ZNF326: variants seen among roughly 807,000 people sequenced by gnomAD.
ZNF326 encodes the protein DBIRD complex subunit ZNF326.
In ZNF326, 30 loss-of-function variants were observed where a neutral mutation model predicts 63.1. That is an observed-to-expected ratio of 0.48 (90% confidence interval 0.36 to 0.64). The LOEUF (loss-of-function observed/expected upper bound fraction) is 0.64. Ranked by LOEUF, ZNF326 falls within the 30% of genes least tolerant of loss-of-function variation. The probability of loss-of-function intolerance (pLI) is 0.00; values close to 1 mark genes in which losing one functional copy is unlikely to be tolerated. For missense variants in ZNF326, 609 were observed against 720.3 expected (o/e 0.85, Z 1.77); for synonymous variants, 194 against 228.2 (o/e 0.85, Z 1.35).
intron 2 of ZNF326, among the ~76,000 whole-genome samples, chr1:89,999,083 A>G (rs976080946): frequency 1.3e-5 from 2 of 152,226 alleles, no homozygotes; most frequent in Admixed American, 1.3e-4. Context: ...AAATTACCAA[A>G]GGAAGTTTAA....
chr1:90,027,513 G>GT lies in ZNF326; in HGVS notation c.1562dup (p.Glu522ArgfsTer52). The GT allele has an allele frequency of 1.2e-6, 2 of 1,612,410 alleles. No individual in the cohort carries two copies. Among genetic ancestry groups the GT allele is most frequent in the Non-Finnish European group, 1.7e-6 (2 of 1,179,168 alleles). Reference sequence around the variant, plus strand: ...GGGGGAAGTAGAGGAAGTGGAAGAAGTAGAGGAAGTGAGAGAAGGAGGAAT... The same window carrying GT: ...GGGGGAAGTAGAGGAAGTGGAAGAAGTTAGAGGAAGTGAGAGAAGGAGGAAT... On this transcript the variant is annotated frameshift_variant, in exon 12 of 12. Coordinates refer to ENST00000340281, the MANE Select transcript of ZNF326 (RefSeq NM_182976.4). LOFTEE classifies it low-confidence loss of function (END_TRUNC).
chr1:90,011,190 T>G (rs575853689), intron 6 of ZNF326, among the ~76,000 whole-genome samples: 3 of 152,296 alleles, frequency 2.0e-5, no homozygotes, highest in Admixed American at 1.3e-4. Flanking sequence ...AGAAAAGTGT[T>G]GTGTAGCTAA....
chr1:90,005,359 A>G (rs1027236819), intron 4 of ZNF326, 115 bp downstream of exon 4: 4 of 1,449,106 alleles, frequency 2.8e-6, no homozygotes, highest in Middle Eastern at 2.0e-4. Flanking sequence ...TTGCTATTGA[A>G]TCATCACCTT....
At chr1:90,012,694 A>G (rs1311982448) in intron 6 of ZNF326, among the ~76,000 whole-genome samples, 1 of 152,182 alleles carries the variant, frequency 6.6e-6, no homozygotes, top group Non-Finnish European at 1.5e-5. Flanking sequence ...AGCTCCTACA[A>G]TATGAACATG....
intron 1 of ZNF326, among the ~76,000 whole-genome samples, chr1:89,996,343 G>T (rs377704057): frequency 6.6e-6 from 1 of 152,142 alleles, no homozygotes; most frequent in South Asian, 2.1e-4. Flanking sequence ...AATGAGGTGT[G>T]ATCTCAGCAT....
At chr1:90,006,545 T>C in intron 4 of ZNF326, 2 of 869,092 alleles carry the variant, frequency 2.3e-6, no homozygotes, top group Non-Finnish European at 2.8e-6. Context: ...TGCTCCCTTT[T>C]TTAGGGTAGT....
Position 90,013,145 on chromosome 1 carries a change from T to A in ZNF326, c.834T>A (p.Asn278Lys). Residue 278 changes from asparagine (N) to lysine (K), a missense_variant, in exon 7 of 12, where the codon AAT (asparagine) becomes AAA (lysine). By Grantham distance (94) the Asn-to-Lys change is moderately conservative. Around this residue, in one of 3 missense-constraint regions of ZNF326, gnomAD observed 399 missense variants for 444.3 expected, o/e 0.90. Transcript: ENST00000340281. ...SKSPTKTDPK[N>K]EEEEKRRIEA... Reference sequence around the variant, plus strand: ...TCCTAGCAAAAACTGATCCTAAAAATGAAGAGGAAGAAAAGCGGCGAATTG... The same window carrying A: ...TCCTAGCAAAAACTGATCCTAAAAAAGAAGAGGAAGAAAAGCGGCGAATTG... The A allele has an allele frequency of 6.2e-7, 1 of 1,610,514 alleles. No individual in the cohort carries two copies. Among genetic ancestry groups the A allele is most frequent in the South Asian group, 1.1e-5 (1 of 90,288 alleles).
rs936802021 is a variant in ZNF326 at position 90,028,087 on chromosome 1, A to G, written c.*386A>G. On this transcript the variant is annotated 3_prime_UTR_variant, in exon 12 of 12. Coordinates refer to ENST00000340281, the MANE Select transcript of ZNF326 (RefSeq NM_182976.4). The stretch of plus-strand genomic sequence containing the variant: ...ATTTTTTGAATACTTACCCTGGAAG[A>G]TATAAACTGGGCAAGTATTTTGTGC... 2 of 188,878 alleles carry G rather than the reference A, an allele frequency of 1.1e-5. No individual in the cohort carries two copies. The highest frequency in any genetic ancestry group is 2.2e-5 in the Non-Finnish European group (2 of 90,972). The allele number at this position is 188,878 out of a possible 1,614,324, so 11.7% of individuals were successfully genotyped here. A position where few individuals can be genotyped will look rare whatever the true frequency, so the allele number is the denominator to read the frequency against.
chr1:89,995,134 C>G lies in ZNF326; in HGVS notation c.-124C>G, dbSNP rs1055490364. 1.4e-5 allele frequency: 18 copies of G among 1,246,436 alleles called. No homozygotes were observed. Among genetic ancestry groups the G allele is most frequent in the Admixed American group, 1.4e-4 (6 of 43,436 alleles). The allele number at this position is 1,246,436 out of a possible 1,614,324, so 77.2% of individuals were successfully genotyped here. A position where few individuals can be genotyped will look rare whatever the true frequency, so the allele number is the denominator to read the frequency against. ...CAGCCTCGCTGTGGCCTGCGGCTCC[C>G]GGGCTGGTAGCGCGCCGCTCTCGGT... is the stretch of plus-strand genomic sequence containing the variant. On this transcript the variant is annotated 5_prime_UTR_variant, in exon 1 of 12. Transcript: ENST00000340281.
chr1:90,008,096 C>T (rs1273798617), intron 5 of ZNF326, among the ~76,000 whole-genome samples: 1 of 152,078 alleles, frequency 6.6e-6, no homozygotes. Flanking sequence ...GGTCACTGAA[C>T]CCTTTTTGAG....
intron 4 of ZNF326, 50 bp downstream of exon 4, chr1:90,005,294 G>A (rs778546707): frequency 1.3e-6 from 2 of 1,580,206 alleles, no homozygotes; most frequent in Non-Finnish European, 1.7e-6. Flanking sequence ...ATAAGATTTT[G>A]GATATATTAT....
chr1:90,003,607 T>G (rs185592275), intron 2 of ZNF326, among the ~76,000 whole-genome samples: 16 of 152,320 alleles, frequency 1.1e-4, no homozygotes, highest in African/African-American at 3.8e-4. Context: ...AAAAGTTTTC[T>G]TGAATGCATT....
chr1:90,024,805 C>T (rs190286727), intron 11 of ZNF326, among the ~76,000 whole-genome samples: 2 of 152,122 alleles, frequency 1.3e-5, no homozygotes, highest in East Asian at 3.9e-4. Flanking sequence ...TATTTCTTCT[C>T]CTGCATTAGG....
Position 90,017,438 on chromosome 1 carries a change from G to A in ZNF326, c.1048G>A (p.Asp350Asn). 3 of 1,591,190 alleles carry A rather than the reference G, an allele frequency of 1.9e-6. No homozygotes were observed. Among genetic ancestry groups the A allele is most frequent in the Non-Finnish European group, 2.6e-6 (3 of 1,173,622 alleles). Residue 350 changes from aspartate to asparagine, a missense_variant, in exon 8 of 12, where the codon GAT (aspartate) becomes AAT (asparagine). By Grantham distance (23) the Asp-to-Asn change is conservative. Around this residue, in one of 3 missense-constraint regions of ZNF326, gnomAD observed 399 missense variants for 444.3 expected, o/e 0.90. Coordinates refer to ENST00000340281, the MANE Select transcript of ZNF326 (RefSeq NM_182976.4). The stretch of plus-strand genomic sequence containing the variant: ...TCATATACAGAAACAAACTAAATTT[G>A]ATAAAGTAGTTATGGAGTTTTTGCA... ...LDHIQKQTKFDKVVMEFLHEC... is the reference protein window; with the variant it reads ...LDHIQKQTKFNKVVMEFLHEC...
At chr1:90,018,601 C>T (rs1285733362) in intron 8 of ZNF326, 84 bp from the exon 9 acceptor site, 3 of 671,754 alleles carry the variant, frequency 4.5e-6, no homozygotes, top group Non-Finnish European at 7.6e-6. Context: ...GATACTGTAT[C>T]TTCCATAGAA....
chr1:90,019,113 C>T (rs1309996928), intron 9 of ZNF326, among the ~76,000 whole-genome samples: 1 of 151,996 alleles, frequency 6.6e-6, no homozygotes, highest in Non-Finnish European at 1.5e-5. Context: ...CTTTCCTTCT[C>T]TTTTGATTCC....
At chr1:90,012,934 CAAAT>C (rs1649323494) in intron 6 of ZNF326, among the ~76,000 whole-genome samples, 188 bp from the exon 7 acceptor site, 1 of 151,906 alleles carries the variant, frequency 6.6e-6, no homozygotes, top group Admixed American at 6.6e-5. Flanking sequence ...TGATGGTATT[CAAAT>C]GAATGAAGTT....
rs1372086781 is a variant in ZNF326, at chr1:90,030,312, A to G, written c.*2611A>G. On this transcript the variant is annotated 3_prime_UTR_variant, in exon 12 of 12. Transcript: ENST00000340281. ...TCTACACAAGTATAAGCTTTTAAAA[A>G]TGTAATTCAGATGATGTTAATCTCA... 6.6e-6 allele frequency: 1 copy of G among 151,934 alleles called. No individual in the cohort carries two copies. The highest frequency in any genetic ancestry group is 1.5e-5 in the Non-Finnish European group (1 of 67,994). 9.4% of individuals were successfully genotyped at this position (151,934 alleles called of 1,614,324 possible). A position where few individuals can be genotyped will look rare whatever the true frequency, so the allele number is the denominator to read the frequency against.
Position 90,022,225 on chromosome 1 carries a change from C to A in ZNF326, c.1306-25C>A, listed in dbSNP as rs375734093. ...TTTTCATGGCATGGTTTTCAAGAAC[C>A]CTCAGTGTGTTCTGTTTTTTATAGG... On this transcript the variant is annotated intron_variant, in intron 10 of 11. Transcript: ENST00000340281. The A allele has an allele frequency of 4.6e-5, 69 of 1,498,940 alleles. No individual in the cohort carries two copies. In the African/African-American group the frequency reaches 8.8e-4, roughly 19 times the overall value. 92.9% of individuals were successfully genotyped at this position (1,498,940 alleles called of 1,614,324 possible).
Sources: gnomAD v4.1 joint callset for allele counts (sites outside exome capture counted in the v4.1 genomes callset) on GRCh38, gnomAD v4.1.1 for gene constraint, gnomAD v4.1.1 regional missense constraint, MANE v1.5 for transcripts, NCBI Gene and HGNC (gene_info 2026-07-23, HGNC 2026-07-21) for gene names.